ENAH: variants seen among roughly 807,000 people sequenced by gnomAD.
ENAH encodes ENAH actin regulator.
Under a neutral mutation model 78.7 loss-of-function variants are expected in ENAH, and 23 were observed. The ratio of observed to expected loss-of-function variants is 0.29; its 90% confidence interval spans 0.21 to 0.41. The LOEUF is 0.41. Among genes scored for constraint, ENAH ranks in the 10% least tolerant of loss-of-function variants. ENAH has a pLI of 1.00. For synonymous variants in ENAH, 226 were observed against 241.0 expected (o/e 0.94, Z 0.58); for missense variants, 544 against 691.0 (o/e 0.79, Z 2.39).
chr1:225,577,355 T>G (rs922302631), intron 1 of ENAH, among the ~76,000 whole-genome samples: 1 of 152,196 alleles, frequency 6.6e-6, no homozygotes, highest in Non-Finnish European at 1.5e-5. Flanking sequence ...AATTCGGTTC[T>G]GCCACAATGG....
In ENAH at chr1:225,493,491, CAG is replaced by C. The variant is rs1327284428; in HGVS notation, c.*4282_*4283del. On this transcript the variant is annotated 3_prime_UTR_variant, in exon 14 of 14. Transcript: ENST00000366843. ...TATTAAATGGCTTTTAGTGAAAAGG[CAG>C]AGGTATTAAACATCAGTAATTTCAA... 2.6e-5 allele frequency: 4 copies of C among 152,226 alleles called. No homozygotes were observed. Among genetic ancestry groups the C allele is most frequent in the African/African-American group, 9.6e-5 (4 of 41,538 alleles). The allele number at this position is 152,226 out of a possible 1,614,324, so 9.4% of individuals were successfully genotyped here.
chr1:225,639,368 A>C (rs889943045), intron 1 of ENAH, among the ~76,000 whole-genome samples: 2 of 152,170 alleles, frequency 1.3e-5, no homozygotes, highest in African/African-American at 4.8e-5. Flanking sequence ...TATGGTTTGA[A>C]TCTTGAAACT....
intron 1 of ENAH, among the ~76,000 whole-genome samples, chr1:225,598,458 T>G (rs1382520354): frequency 6.6e-6 from 1 of 152,018 alleles, no homozygotes; most frequent in Non-Finnish European, 1.5e-5. Flanking sequence ...TCAACTTGAC[T>G]GGGTGAGGGG....
chr1:225,569,756 C>G (rs112775164), intron 1 of ENAH, among the ~76,000 whole-genome samples: 3 of 152,070 alleles, frequency 2.0e-5, no homozygotes, highest in Non-Finnish European at 4.4e-5. Flanking sequence ...AAATGTTAAA[C>G]ATTTCCAATT....
chr1:225,575,812 A>G (rs1437985239), intron 1 of ENAH, among the ~76,000 whole-genome samples: 2 of 152,224 alleles, frequency 1.3e-5, no homozygotes, highest in Non-Finnish European at 2.9e-5. Flanking sequence ...CTCTCTCCCA[A>G]TTAAAGATTT....
At chr1:225,501,503 T>C (rs981026826) in intron 11 of ENAH, among the ~76,000 whole-genome samples, 8 of 152,208 alleles carry the variant, frequency 5.3e-5, no homozygotes, top group African/African-American at 7.2e-5. Flanking sequence ...AGGAGAAACA[T>C]AAAGACTTGA....
intron 1 of ENAH, among the ~76,000 whole-genome samples, chr1:225,590,931 G>A (rs965053123): frequency 6.6e-6 from 1 of 152,094 alleles, no homozygotes; most frequent in Non-Finnish European, 1.5e-5. Flanking sequence ...TTCTGCAAAG[G>A]AGAATCTAGT....
chr1:225,624,272 T>C (rs970032480), intron 1 of ENAH, among the ~76,000 whole-genome samples: 3 of 151,378 alleles, frequency 2.0e-5, no homozygotes, highest in Non-Finnish European at 4.4e-5. Context: ...ACCCTGTCTT[T>C]AGAAAAAAAA....
chr1:225,596,759 TA>T (rs143176650), intron 1 of ENAH, among the ~76,000 whole-genome samples: 2 of 152,254 alleles, frequency 1.3e-5, no homozygotes, highest in East Asian at 3.9e-4. Context: ...AGCCACAAAA[TA>T]AAAACATCAT....
intron 1 of ENAH, among the ~76,000 whole-genome samples, chr1:225,575,940 T>C (rs1419013815): frequency 6.6e-6 from 1 of 152,110 alleles, no homozygotes; most frequent in Non-Finnish European, 1.5e-5. Context: ...TGACCTCCAA[T>C]GCCCAAATGG....
chr1:225,611,869 T>G (rs1407887633), intron 1 of ENAH, among the ~76,000 whole-genome samples: 1 of 151,570 alleles, frequency 6.6e-6, no homozygotes, highest in African/African-American at 2.4e-5. Flanking sequence ...CACAATGAAA[T>G]CAAAAATCAC....
intron 1 of ENAH, among the ~76,000 whole-genome samples, chr1:225,638,887 A>C (rs905705598): frequency 3.9e-5 from 6 of 152,254 alleles, no homozygotes; most frequent in Non-Finnish European, 8.8e-5. Context: ...CAGACACAGA[A>C]GTTGCCAGGG....
chr1:225,620,232 C>A (rs1330711620), intron 1 of ENAH, among the ~76,000 whole-genome samples: 1 of 151,888 alleles, frequency 6.6e-6, no homozygotes, highest in Non-Finnish European at 1.5e-5. Context: ...CACTTCGTCA[C>A]TAGAAAAGTA....
At chr1:225,651,159 T>C (rs1662922029) in intron 1 of ENAH, among the ~76,000 whole-genome samples, 1 of 152,124 alleles carries the variant, frequency 6.6e-6, no homozygotes, top group South Asian at 2.1e-4. Flanking sequence ...ATGCTATAAT[T>C]ACTATTTAAA....
At chr1:225,623,315 T>A (rs898336963) in intron 1 of ENAH, among the ~76,000 whole-genome samples, 1 of 152,184 alleles carries the variant, frequency 6.6e-6, no homozygotes, top group Non-Finnish European at 1.5e-5. Context: ...GCTGTTAGAT[T>A]ACAGGCTATC....
chr1:225,651,811 G>A (rs966110482), intron 1 of ENAH, among the ~76,000 whole-genome samples: 2 of 152,038 alleles, frequency 1.3e-5, no homozygotes, highest in Non-Finnish European at 2.9e-5. Flanking sequence ...TCCAATGAAT[G>A]ACACACCACA....
At chr1:225,563,813 G>T (rs2151487573) in intron 2 of ENAH, among the ~76,000 whole-genome samples, 1 of 152,258 alleles carries the variant, frequency 6.6e-6, no homozygotes, top group South Asian at 2.1e-4. Flanking sequence ...TACAATGGTT[G>T]CATAAAACAG....
intron 2 of ENAH, among the ~76,000 whole-genome samples, chr1:225,556,556 T>A (rs546506547): frequency 6.6e-6 from 1 of 152,288 alleles, no homozygotes; most frequent in South Asian, 2.1e-4. Context: ...TTCTTTGATT[T>A]CTAAGCCCTT....
At chr1:225,538,113 G>A (rs2096571007) in intron 3 of ENAH, among the ~76,000 whole-genome samples, 1 of 152,146 alleles carries the variant, frequency 6.6e-6, no homozygotes, top group Non-Finnish European at 1.5e-5. Context: ...AGGCTGGTCA[G>A]TTGACTGGGT....
Sources: allele counts gnomAD v4.1 joint callset (sites outside exome capture counted in the v4.1 genomes callset), GRCh38; gene constraint gnomAD v4.1.1; transcripts MANE v1.5; gene names NCBI Gene and HGNC (gene_info 2026-07-23, HGNC 2026-07-21).